The following DPYSL2 variants were observed in gnomAD, a reference collection of about 807,000 sequenced individuals.
DPYSL2 encodes the protein dihydropyrimidinase-related protein 2.
In DPYSL2, 13 loss-of-function variants were observed where a neutral mutation model predicts 69.9. The ratio of observed to expected loss-of-function variants is 0.19; its 90% confidence interval spans 0.12 to 0.30. The LOEUF (loss-of-function observed/expected upper bound fraction) is 0.30. Among genes scored for constraint, DPYSL2 ranks in the 10% least tolerant of loss-of-function variants. The probability of loss-of-function intolerance (pLI) is 1.00; values close to 1 mark genes in which losing one functional copy is unlikely to be tolerated. For missense variants in DPYSL2, 587 were observed against 918.9 expected, an observed-to-expected ratio of 0.64 and a Z score of 4.67; for synonymous variants, 326 against 359.1, an observed-to-expected ratio of 0.91 and a Z score of 1.04.
chr8:26,566,715 A>G (rs753585354), intron 1 of DPYSL2, among the ~76,000 whole-genome samples: 3 of 152,168 alleles, frequency 2.0e-5, no homozygotes, highest in Non-Finnish European at 2.9e-5. Context: ...CTGGTTGTAA[A>G]TTTCATGCTT....
intron 3 of DPYSL2, among the ~76,000 whole-genome samples, chr8:26,584,613 CT>C (rs35587383): frequency 0.08 from 7,969 of 100,096 alleles, 110 homozygotes; most frequent in Non-Finnish European, 0.099. Flanking sequence ...GGGCTTTGTG[CT>C]TTTTTTTTTT....
At position 26,644,580 on chromosome 8, in the gene DPYSL2, C is replaced by T. The variant is rs1459823541; in HGVS notation, c.1425+489C>T. ...TCGGCCTCCCAAAGTGCTGGGATTA[C>T]AGGTGTGAGCCACCACGCCTGGCTT... On this transcript the variant is annotated intron_variant, in intron 10 of 13. Coordinates refer to ENST00000521913, the MANE Select transcript of DPYSL2 (RefSeq NM_001197293.3). The surrounding 1 kb of genome is among the most constrained non-coding windows in gnomAD (Gnocchi z 4.5). Among the ~76,000 whole-genome samples the T allele has an allele frequency of 6.6e-6, 1 of 152,034 alleles. No individual in the cohort carries two copies. The highest frequency in any genetic ancestry group is 1.5e-5 in the Non-Finnish European group (1 of 68,016).
chr8:26,556,151 C>CTATATATAT (rs1563384916), intron 1 of DPYSL2, among the ~76,000 whole-genome samples: 203 of 3,118 alleles, frequency 0.065, 41 homozygotes, highest in African/African-American at 0.12. Flanking sequence ...ATAGTATATA[C>CTATATATAT]TATATATAGT....
chr8:26,653,894 G>A lies in DPYSL2; in HGVS notation c.1942+497G>A, dbSNP rs1015409931. On this transcript the variant is annotated intron_variant, in intron 13 of 13. Coordinates refer to ENST00000521913, the MANE Select transcript of DPYSL2 (RefSeq NM_001197293.3). This position sits in a 1 kb window ranked among gnomAD's most constrained non-coding sequence, Gnocchi z 5.7. ...AGATGTATTTTCATAGTTAATGACT[G>A]GTTGGGTTTCAGAATCTTGAGATCA... Among the ~76,000 whole-genome samples the A allele has an allele frequency of 1.3e-5, 2 of 152,136 alleles. 1 individual carries two copies. Among genetic ancestry groups the A allele is most frequent in the Non-Finnish European group, 2.9e-5 (2 of 68,028 alleles).
At chr8:26,631,680 G>A (rs1453148549) in intron 7 of DPYSL2, among the ~76,000 whole-genome samples, 1 of 152,172 alleles carries the variant, frequency 6.6e-6, no homozygotes, top group African/African-American at 2.4e-5. Context: ...ACCAGTATGG[G>A]ATGCAGTTTT....
chr8:26,626,800 A>C lies in DPYSL2; in HGVS notation c.855+122A>C. On this transcript the variant is annotated intron_variant, in intron 5 of 13. Transcript: ENST00000521913. This position sits in a 1 kb window ranked among gnomAD's most constrained non-coding sequence, Gnocchi z 4.3. Reference sequence around the variant, plus strand: ...TAGCTTCCTGGGAAGTGGCTGGTGGATGCAGTTACTGATGTAACTGAGCCT... The same window carrying C: ...TAGCTTCCTGGGAAGTGGCTGGTGGCTGCAGTTACTGATGTAACTGAGCCT... 1 of 1,027,960 alleles carries C rather than the reference A, an allele frequency of 9.7e-7. No homozygotes were observed. The highest frequency in any genetic ancestry group is 1.5e-6 in the Non-Finnish European group (1 of 683,164). 63.7% of individuals were successfully genotyped at this position (1,027,960 alleles called of 1,614,324 possible).
intron 1 of DPYSL2, among the ~76,000 whole-genome samples, chr8:26,531,178 T>C (rs1800505344): frequency 6.6e-6 from 1 of 151,966 alleles, no homozygotes; most frequent in Non-Finnish European, 1.5e-5. Flanking sequence ...TACATGAATT[T>C]TGGGGGACAC....
At chr8:26,529,257 TATCTATCTATCTATCTATC>T (rs879600560) in intron 1 of DPYSL2, among the ~76,000 whole-genome samples, 8 of 149,080 alleles carry the variant, frequency 5.4e-5, no homozygotes, top group East Asian at 2.0e-4. Context: ...TCTATCTATC[TATCTATCTATCTATCTATC>T]ATCTATCTAT....
At chr8:26,548,236 A>C in intron 1 of DPYSL2, 1 of 214,752 alleles carries the variant, frequency 4.7e-6, no homozygotes, top group South Asian at 8.3e-5. Context: ...AATTCATGTA[A>C]TGGATTATTA....
chr8:26,535,632 T>C (rs1800578550), intron 1 of DPYSL2, among the ~76,000 whole-genome samples: 1 of 147,924 alleles, frequency 6.8e-6, no homozygotes, highest in African/African-American at 2.6e-5. Flanking sequence ...TATATATATA[T>C]ATATTTTTTT....
chr8:26,549,690 A>C (rs1164399878), intron 1 of DPYSL2, among the ~76,000 whole-genome samples: 2 of 152,236 alleles, frequency 1.3e-5, no homozygotes, highest in East Asian at 1.9e-4. Flanking sequence ...AGCACTTTAT[A>C]TATAGAGGAG....
At chr8:26,590,952 G>A (rs1010054409) in intron 3 of DPYSL2, among the ~76,000 whole-genome samples, 2 of 152,218 alleles carry the variant, frequency 1.3e-5, no homozygotes, top group Non-Finnish European at 2.9e-5. Context: ...CAGAAGCAAG[G>A]GCATCCCCAA....
At position 26,650,054 on chromosome 8, in the gene DPYSL2, A is replaced by G. The variant is rs897742933; in HGVS notation, c.1597-2203A>G. Among the ~76,000 whole-genome samples, 4 of 152,238 alleles carry G rather than the reference A, an allele frequency of 2.6e-5. No homozygotes were observed. Among genetic ancestry groups the G allele is most frequent in the African/African-American group, 9.6e-5 (4 of 41,470 alleles). ...TGCTGCAGGGCTGGCAAGTGTTAGC[A>G]AAGTGCAATAAAGAGCCAGACAGTG... is the stretch of plus-strand genomic sequence containing the variant. On this transcript the variant is annotated intron_variant, in intron 11 of 13. Transcript: ENST00000521913. This position sits in a 1 kb window ranked among gnomAD's most constrained non-coding sequence, Gnocchi z 5.3.
chr8:26,535,765 G>T (rs1800581551), intron 1 of DPYSL2, among the ~76,000 whole-genome samples: 1 of 152,030 alleles, frequency 6.6e-6, no homozygotes, highest in African/African-American at 2.4e-5. Flanking sequence ...AAATGAACGT[G>T]CCAGGACATA....
At chr8:26,599,720 AAAAT>A (rs1317661715) in intron 3 of DPYSL2, among the ~76,000 whole-genome samples, 1 of 152,078 alleles carries the variant, frequency 6.6e-6, no homozygotes, top group East Asian at 1.9e-4. Context: ...CTGTCTCAAA[AAAAT>A]AAATAAATAA....
intron 3 of DPYSL2, among the ~76,000 whole-genome samples, chr8:26,612,303 C>T (rs149167812): frequency 9.2e-5 from 14 of 152,280 alleles, no homozygotes; most frequent in African/African-American, 3.1e-4. Context: ...TATGAAGAAC[C>T]ATAGTTCATC....
chr8:26,531,926 T>C (rs1292894176), intron 1 of DPYSL2, among the ~76,000 whole-genome samples: 1 of 151,598 alleles, frequency 6.6e-6, no homozygotes, highest in African/African-American at 2.4e-5. Flanking sequence ...GAGTGGTGGG[T>C]ACTTGGGGAA....
chr8:26,600,166 A>G (rs1190219587), intron 3 of DPYSL2, among the ~76,000 whole-genome samples: 2 of 152,192 alleles, frequency 1.3e-5, no homozygotes, highest in Admixed American at 1.3e-4. Context: ...TCATCGATGG[A>G]TGGCATTTGG....
rs186484721 is a variant in DPYSL2 at position 26,591,139 on chromosome 8, A to G, written c.628+7156A>G. ...CCTCATCCCAGTTCCTACTCTGCCT[A>G]TGGGTGTTTTACATGGAGAGTCACA... On this transcript the variant is annotated intron_variant, in intron 3 of 13. Coordinates refer to ENST00000521913, the MANE Select transcript of DPYSL2 (RefSeq NM_001197293.3). The surrounding 1 kb of genome is among the most constrained non-coding windows in gnomAD (Gnocchi z 5.8). Among the ~76,000 whole-genome samples the G allele has an allele frequency of 1.7e-3, 261 of 152,208 alleles. No homozygotes were observed. The highest frequency in any genetic ancestry group is 2.1e-3 in the Non-Finnish European group (141 of 68,012).
Sources: allele counts gnomAD v4.1 joint callset (sites outside exome capture counted in the v4.1 genomes callset), GRCh38; gene constraint gnomAD v4.1.1; non-coding constraint Gnocchi (gnomAD v3.1); transcripts MANE v1.5; gene names NCBI Gene and HGNC (gene_info 2026-07-23, HGNC 2026-07-21).